Variants in ACVRL1 observed in about 807,000 individuals in gnomAD.
ACVRL1 encodes the protein activin receptor type-1-like.
A neutral mutation model predicts 51.9 loss-of-function variants in ACVRL1; 20 were observed. That is an observed-to-expected ratio of 0.39 (90% CI 0.27 to 0.56). The LOEUF is 0.56. Ranked by LOEUF, ACVRL1 falls within the 20% of genes least tolerant of loss-of-function variation. ACVRL1 has a pLI of 0.67. For synonymous variants in ACVRL1, 288 were observed against 280.9 expected (o/e 1.03, Z -0.25); for missense variants, 451 against 670.3 (o/e 0.67, Z 3.61).
chr12:51,907,624 C>T lies in ACVRL1; in HGVS notation c.-77C>T, dbSNP rs907969481. On this transcript the variant is annotated 5_prime_UTR_variant, in exon 1 of 10. Coordinates refer to ENST00000388922, the MANE Select transcript of ACVRL1 (RefSeq NM_000020.3). This position sits in a 1 kb window ranked among gnomAD's most constrained non-coding sequence, Gnocchi z 4.5. Reference sequence around the variant, plus strand: ...CCAGCGCTGGCGGTGCAACTGCGGCCGCGCGGTGGAGGGGAGGTGGCCCCG... The same window carrying T: ...CCAGCGCTGGCGGTGCAACTGCGGCTGCGCGGTGGAGGGGAGGTGGCCCCG... 6.6e-6 allele frequency: 1 copy of T among 152,040 alleles called. No homozygotes were observed. The highest frequency in any genetic ancestry group is 2.4e-5 in the African/African-American group (1 of 41,426). The allele number at this position is 152,040 out of a possible 1,614,324, so 9.4% of individuals were successfully genotyped here.
rs1940731581 is a variant in ACVRL1, at chr12:51,913,165, G to T, written c.128G>T (p.Gly43Val). The change falls in exon 3 of 10, where the codon GGG becomes GTG. Residue 43 changes from glycine (G) to valine (V), a missense_variant. Gly to Val is a moderately radical substitution (Grantham distance 109). This residue lies in a region of ACVRL1 where 192 missense variants were observed against 216.9 expected (regional missense o/e 0.89). Transcript: ENST00000388922. The part of the protein sequence containing the change: ...TCTCESPHCK[G>V]PTCRGAWCTV... ...ACGTGTGAGAGCCCACATTGCAAGGGGCCTACCTGCCGGGGGGCCTGGTGC... is the reference window on the plus strand; with the variant it reads ...ACGTGTGAGAGCCCACATTGCAAGGTGCCTACCTGCCGGGGGGCCTGGTGC... 1 of 1,603,970 alleles carries T rather than the reference G, an allele frequency of 6.2e-7. No homozygotes were observed. The highest frequency in any genetic ancestry group is 1.1e-5 in the South Asian group (1 of 89,492).
chr12:51,913,380 C>G (rs1229070673), intron 3 of ACVRL1, 30 bp downstream of exon 3: 1 of 1,608,362 alleles, frequency 6.2e-7, no homozygotes. Flanking sequence ...CACTCCCTCC[C>G]CATCTTCTTG....
intron 5 of ACVRL1, among the ~76,000 whole-genome samples, 163 bp downstream of exon 5, chr12:51,914,236 C>T (rs549145228): frequency 6.6e-6 from 1 of 152,172 alleles, no homozygotes; most frequent in East Asian, 1.9e-4. Context: ...GGGCTAGGTT[C>T]TTCTTTCTGC....
At chr12:51,913,922 G>T (rs938971813) in intron 4 of ACVRL1, 52 bp from the exon 5 acceptor site, 91 of 1,598,468 alleles carry the variant, frequency 5.7e-5, no homozygotes, top group Non-Finnish European at 7.4e-5. Context: ...GGATAGAGAA[G>T]GGGGCTGTGG....
chr12:51,913,459 G>T, intron 3 of ACVRL1, 100 bp from the exon 4 acceptor site: 3 of 1,527,704 alleles, frequency 2.0e-6, no homozygotes, highest in Non-Finnish European at 2.6e-6. Flanking sequence ...GCGGGGGAGC[G>T]GGTGGGCAGG....
intron 2 of ACVRL1, 41 bp from the exon 3 acceptor site, chr12:51,913,058 A>T (rs1165017586): frequency 1.3e-6 from 2 of 1,588,956 alleles, no homozygotes; most frequent in Non-Finnish European, 1.7e-6. Context: ...AGCCTGGGGG[A>T]GCTGGGACCA....
At chr12:51,910,471 G>A (rs1940667157) in intron 1 of ACVRL1, among the ~76,000 whole-genome samples, 1 of 152,234 alleles carries the variant, frequency 6.6e-6, no homozygotes, top group African/African-American at 2.4e-5. Flanking sequence ...CAGTGAATAT[G>A]CTTTTCTCAG....
intron 1 of ACVRL1, among the ~76,000 whole-genome samples, chr12:51,909,471 G>A (rs1940651314): frequency 2.0e-5 from 3 of 151,970 alleles, no homozygotes; most frequent in African/African-American, 4.8e-5. Context: ...TCCAGCCTGG[G>A]CGACTGAGCA....
chr12:51,909,058 T>G (rs1940645155), intron 1 of ACVRL1, among the ~76,000 whole-genome samples: 1 of 152,202 alleles, frequency 6.6e-6, no homozygotes, highest in Non-Finnish European at 1.5e-5. Flanking sequence ...CCTACTGAAG[T>G]GCAGAGTGAG....
At chr12:51,908,983 T>G (rs559483971) in intron 1 of ACVRL1, among the ~76,000 whole-genome samples, 5 of 152,156 alleles carry the variant, frequency 3.3e-5, no homozygotes, top group Non-Finnish European at 5.9e-5. Flanking sequence ...ATAAATCACA[T>G]GGATGAATCG....
intron 1 of ACVRL1, among the ~76,000 whole-genome samples, chr12:51,908,807 T>C (rs1056578350): frequency 1.3e-5 from 2 of 152,204 alleles, no homozygotes; most frequent in African/African-American, 2.4e-5. Context: ...GTCTCAAATT[T>C]CATACCTCTA....
At chr12:51,915,958 C>G in intron 7 of ACVRL1, 78 bp from the exon 8 acceptor site, 3 of 1,507,304 alleles carry the variant, frequency 2.0e-6, no homozygotes, top group Non-Finnish European at 2.7e-6. Context: ...CCCACTGTTT[C>G]TCTCAGTCCC....
Position 51,920,937 on chromosome 12 carries a change from G to A in ACVRL1, c.*44G>A, listed in dbSNP as rs753232692. On this transcript the variant is annotated 3_prime_UTR_variant, in exon 10 of 10. Transcript: ENST00000388922. Reference sequence around the variant, plus strand: ...CTTTCTGCCTGCAGGGGGCTGGGGGGGTGGGGGGCAGTGGATGGTGCCCTA... The same window carrying A: ...CTTTCTGCCTGCAGGGGGCTGGGGGAGTGGGGGGCAGTGGATGGTGCCCTA... The A allele has an allele frequency of 2.8e-5, 32 of 1,150,500 alleles. 1 individual carries two copies. The South Asian group carries it at 3.2e-4, about 11-fold the overall frequency. 71.3% of individuals were successfully genotyped at this position (1,150,500 alleles called of 1,614,324 possible). A position where few individuals can be genotyped will look rare whatever the true frequency, so the allele number is the denominator to read the frequency against.
chr12:51,909,147 G>C (rs1351898493), intron 1 of ACVRL1, among the ~76,000 whole-genome samples: 1 of 152,162 alleles, frequency 6.6e-6, no homozygotes, highest in African/African-American at 2.4e-5. Flanking sequence ...CCGTTGATGG[G>C]AGTAGGTTTT....
intron 5 of ACVRL1, 103 bp downstream of exon 5, chr12:51,914,176 G>C (rs1446337143): frequency 7.6e-7 from 1 of 1,322,398 alleles, no homozygotes; most frequent in African/African-American, 1.4e-5. Context: ...TGCCAGGCCT[G>C]GGTCAGAATT....
In ACVRL1 at chr12:51,917,033, G is replaced by A. The variant is rs1163351200; in HGVS notation, c.1246+800G>A. ...ATGAGAATAAAAATAGCTTCCAGTT[G>A]TTGAGATAATCTAAGTATTTAGAAC... On this transcript the variant is annotated intron_variant, in intron 8 of 9. Coordinates refer to ENST00000388922, the MANE Select transcript of ACVRL1 (RefSeq NM_000020.3). The surrounding 1 kb of genome is among the most constrained non-coding windows in gnomAD (Gnocchi z 4.2). Among the ~76,000 whole-genome samples, 2 of 152,228 alleles carry A rather than the reference G, an allele frequency of 1.3e-5. No individual in the cohort carries two copies. The highest frequency in any genetic ancestry group is 3.8e-4 in the East Asian group (2 of 5,196).
rs1340943144 is a variant in ACVRL1, at chr12:51,917,719, T to C, written c.1247-1266T>C. Among the ~76,000 whole-genome samples, 1 of 152,008 alleles carries C rather than the reference T, an allele frequency of 6.6e-6. No homozygotes were observed. The highest frequency in any genetic ancestry group is 6.6e-5 in the Admixed American group (1 of 15,258). On this transcript the variant is annotated intron_variant, in intron 8 of 9. Transcript: ENST00000388922. This position sits in a 1 kb window ranked among gnomAD's most constrained non-coding sequence, Gnocchi z 4.2. ...ACGAGGTGCTTAGATTCCTCAAGAC[T>C]CCGGGCATGAATTGCCAGAGTGGGC...
chr12:51,916,303 G>A (rs1396926059), intron 8 of ACVRL1, 70 bp downstream of exon 8: 2 of 1,545,084 alleles, frequency 1.3e-6, no homozygotes, highest in African/African-American at 1.4e-5. Context: ...TCCAGCCATG[G>A]CCAGTGCCCA....
Position 51,917,311 on chromosome 12 carries a change from T to G in ACVRL1, c.1246+1078T>G, listed in dbSNP as rs1469034994. ...GTGAGTGCCTGCACTGCCTGCTTAT[T>G]GCTGCCTGGTTGTTACTGTGGGTTG... On this transcript the variant is annotated intron_variant, in intron 8 of 9. Transcript: ENST00000388922. The surrounding 1 kb of genome is among the most constrained non-coding windows in gnomAD (Gnocchi z 4.2). Among the ~76,000 whole-genome samples the G allele has an allele frequency of 6.6e-6, 1 of 152,234 alleles. No individual in the cohort carries two copies. The highest frequency in any genetic ancestry group is 1.5e-5 in the Non-Finnish European group (1 of 68,036).
Sources: gnomAD v4.1 joint callset for allele counts (sites outside exome capture counted in the v4.1 genomes callset) on GRCh38, gnomAD v4.1.1 for gene constraint, gnomAD v4.1.1 regional missense constraint, Gnocchi (gnomAD v3.1) non-coding constraint, MANE v1.5 for transcripts, NCBI Gene and HGNC (gene_info 2026-07-23, HGNC 2026-07-21) for gene names.